The following CAPN14 variants were observed in gnomAD, a reference collection of about 807,000 sequenced individuals.
CAPN14 encodes the protein calpain 14, also known as calpain-14.
In CAPN14, 94 loss-of-function variants were observed where a neutral mutation model predicts 101.3. The ratio of observed to expected loss-of-function variants is 0.93; its 90% CI spans 0.79 to 1.10. The LOEUF (loss-of-function observed/expected upper bound fraction) is 1.10, where lower values mean the gene tolerates loss of function less well. Among genes scored for constraint, CAPN14 ranks in the 50% least tolerant of loss-of-function variants. The pLI is 0.00. For synonymous variants in CAPN14, 338 were observed against 317.9 expected, an observed-to-expected ratio of 1.06 and a Z score of -0.67; for missense variants, 837 against 828.4, an observed-to-expected ratio of 1.01 and a Z score of -0.13.
intron 16 of CAPN14, among the ~76,000 whole-genome samples, chr2:31,182,829 A>G (rs2148674740): frequency 6.6e-6 from 1 of 151,996 alleles, no homozygotes; most frequent in Admixed American, 6.5e-5. Flanking sequence ...GAATTGGAAA[A>G]AACTACTTTA....
intron 12 of CAPN14, among the ~76,000 whole-genome samples, chr2:31,189,986 A>C (rs1572402654): frequency 6.6e-6 from 1 of 152,202 alleles, no homozygotes; most frequent in East Asian, 1.9e-4. Context: ...CACCTACACC[A>C]CACAGCTACA....
At chr2:31,191,691 G>C (rs1681186909) in intron 11 of CAPN14, among the ~76,000 whole-genome samples, 1 of 152,200 alleles carries the variant, frequency 6.6e-6, no homozygotes, top group African/African-American at 2.4e-5. Flanking sequence ...ACAATAACAA[G>C]CACTACCACA....
chr2:31,204,297 G>A (rs1681957048), intron 2 of CAPN14, among the ~76,000 whole-genome samples: 1 of 152,194 alleles, frequency 6.6e-6, no homozygotes, highest in Non-Finnish European at 1.5e-5. Context: ...AAGACCTGGT[G>A]TGATATTGTG....
At chr2:31,204,962 CTG>C (rs987689956) in intron 2 of CAPN14, among the ~76,000 whole-genome samples, 18 of 152,072 alleles carry the variant, frequency 1.2e-4, no homozygotes, top group Non-Finnish European at 2.4e-4. Context: ...AACACTCAAC[CTG>C]TGAGATCTGA....
intron 1 of CAPN14, among the ~76,000 whole-genome samples, chr2:31,211,092 T>G (rs980204605): frequency 6.6e-6 from 1 of 152,046 alleles, no homozygotes; most frequent in African/African-American, 2.4e-5. Context: ...TGAGGAAAGA[T>G]AAAAGATATT....
At chr2:31,223,298 T>A (rs1357760138) in intron 2 of CAPN14, among the ~76,000 whole-genome samples, 1 of 152,202 alleles carries the variant, frequency 6.6e-6, no homozygotes, top group African/African-American at 2.4e-5. Context: ...TCACCCTCTA[T>A]CCAGAGTTTT....
chr2:31,211,670 T>C (rs1682408866), intron 1 of CAPN14, among the ~76,000 whole-genome samples: 1 of 39,542 alleles, frequency 2.5e-5, no homozygotes. Context: ...CGTGTGCATG[T>C]GCACACACAC....
intron 21 of CAPN14, among the ~76,000 whole-genome samples, chr2:31,175,204 A>G (rs1680229624): frequency 6.6e-6 from 1 of 152,206 alleles, no homozygotes; most frequent in South Asian, 2.1e-4. Flanking sequence ...GGTGTCAGAG[A>G]AAGCCTCAGC....
At chr2:31,176,715 T>C (rs1680310730) in intron 20 of CAPN14, 73 bp from the exon 21 acceptor site, 1 of 1,332,466 alleles carries the variant, frequency 7.5e-7, no homozygotes, top group South Asian at 1.3e-5. Flanking sequence ...TCCTCCCATA[T>C]GTCTCACCTT....
At chr2:31,176,564 C>T (rs1022444513) in intron 21 of CAPN14, 23 bp downstream of exon 21, 7 of 1,549,002 alleles carry the variant, frequency 4.5e-6, no homozygotes, top group South Asian at 1.2e-5. Flanking sequence ...TGACATGAGC[C>T]ACCTCCTTGG....
intron 6 of CAPN14, among the ~76,000 whole-genome samples, chr2:31,199,840 G>A (rs1681660389): frequency 2.0e-5 from 3 of 152,178 alleles, no homozygotes; most frequent in Admixed American, 6.5e-5. Context: ...TGAACTGAGG[G>A]CTTCCTATTC....
At position 31,176,914 on chromosome 2, in the gene CAPN14, C is replaced by G. The variant is rs1389055863; in HGVS notation, c.1972+112G>C. The stretch of plus-strand genomic sequence containing the variant: ...TGGAGGTCCCCACAGCTTCCCTGGT[C>G]TGCTGTTTCTGGGATGGCGGCTGTC... On this transcript the variant is annotated intron_variant, in intron 20 of 21. Transcript: ENST00000403897. 2.1e-5 allele frequency: 17 copies of G among 802,876 alleles called. No homozygotes were observed. The South Asian group carries it at 2.9e-4, about 14-fold the overall frequency. The allele number at this position is 802,876 out of a possible 1,614,324, so 49.7% of individuals were successfully genotyped here. A position where few individuals can be genotyped will look rare whatever the true frequency, so the allele number is the denominator to read the frequency against.
At chr2:31,232,352 T>G (rs186232840) in intron 1 of CAPN14, among the ~76,000 whole-genome samples, 1 of 152,326 alleles carries the variant, frequency 6.6e-6, no homozygotes, top group Non-Finnish European at 1.5e-5. Flanking sequence ...AAAAAAATCT[T>G]TTGAGTCTGA....
At chr2:31,175,980 G>C (rs1351805946) in intron 21 of CAPN14, among the ~76,000 whole-genome samples, 2 of 152,176 alleles carry the variant, frequency 1.3e-5, no homozygotes, top group African/African-American at 4.8e-5. Context: ...ATTCTCCTAG[G>C]CATATCACTT....
Position 31,189,413 on chromosome 2 carries a change from AGGCT to A in CAPN14, c.1349_1352del (p.Gln450LeufsTer10). The A allele has an allele frequency of 1.9e-6, 3 of 1,551,686 alleles. No homozygotes were observed. Among genetic ancestry groups the A allele is most frequent in the Middle Eastern group, 3.3e-4 (2 of 5,992 alleles). On this transcript the variant is annotated frameshift_variant, in exon 13 of 22. Transcript: ENST00000403897. LOFTEE classifies it high-confidence loss of function. ...CTTCTTTCTCCTTGAGAAACCTATC[AGGCT>A]GGCTCAGAGGAGTGTTTCTCTGGAA...
At chr2:31,189,634 GA>G (rs1558618152) in intron 12 of CAPN14, 156 bp from the exon 13 acceptor site, 1 of 709,408 alleles carries the variant, frequency 1.4e-6, no homozygotes, top group South Asian at 1.5e-5. Context: ...GGGAGGAAAG[GA>G]AAAACCAGAA....
Position 31,189,389 on chromosome 2 carries a change from T to C in CAPN14, c.1377A>G (p.Glu459=). The C allele has an allele frequency of 6.4e-7, 1 of 1,551,732 alleles. No individual in the cohort carries two copies. The highest frequency in any genetic ancestry group is 1.2e-5 in the South Asian group (1 of 84,060). Residue 459 remains glutamate (E), a synonymous_variant, in exon 13 of 22, where the codon GAA becomes GAG. Transcript: ENST00000403897. ...GTTCCAGACACAGCTCCTGACTCACTTCTTTCTCCTTGAGAAACCTATCAG... is the reference window on the plus strand; with the variant it reads ...GTTCCAGACACAGCTCCTGACTCACCTCTTTCTCCTTGAGAAACCTATCAG... ...SQPDRFLKEK[E]VSQELCLEPG... is the part of the protein sequence containing the mutation.
At position 31,193,442 on chromosome 2, in the gene CAPN14, T is replaced by C. The variant is rs183160422; in HGVS notation, c.951-148A>G. The C allele has an allele frequency of 2.8e-4, 207 of 750,956 alleles. No homozygotes were observed. In the African/African-American group the frequency reaches 3.1e-3, roughly 11 times the overall value. The allele number at this position is 750,956 out of a possible 1,614,324, so 46.5% of individuals were successfully genotyped here. ...CTCTTGTGCAGAGCTGAGCTGACGA[T>C]AGGCACATCAGCTGGGGCTGGCTAG... On this transcript the variant is annotated intron_variant, in intron 9 of 21. Coordinates refer to ENST00000403897, the MANE Select transcript of CAPN14 (RefSeq NM_001145122.2).
intron 18 of CAPN14, 62 bp downstream of exon 18, chr2:31,178,449 C>T: frequency 1.6e-6 from 2 of 1,280,612 alleles, no homozygotes; most frequent in South Asian, 1.3e-5. Context: ...TCTTCTACAG[C>T]TTTGCAGAAC....
Sources: allele counts gnomAD v4.1 joint callset (sites outside exome capture counted in the v4.1 genomes callset), GRCh38; gene constraint gnomAD v4.1.1; transcripts MANE v1.5; gene names NCBI Gene and HGNC (gene_info 2026-07-23, HGNC 2026-07-21).